CNTNAP2: variants seen among roughly 807,000 people sequenced by gnomAD.
CNTNAP2 encodes the protein contactin associated protein 2.
Under a neutral mutation model 155.2 loss-of-function variants are expected in CNTNAP2, and 98 were observed. The ratio of observed to expected loss-of-function variants is 0.63; its 90% CI spans 0.54 to 0.75. CNTNAP2 has a LOEUF of 0.75. Among genes scored for constraint, CNTNAP2 ranks in the 30% least tolerant of loss-of-function variants. The probability of loss-of-function intolerance (pLI) is 0.00; values close to 1 mark genes in which losing one functional copy is unlikely to be tolerated. For missense variants in CNTNAP2, 1,727 were observed against 1,688.1 expected, an observed-to-expected ratio of 1.02 and a Z score of -0.40; for synonymous variants, 651 against 631.2, an observed-to-expected ratio of 1.03 and a Z score of -0.47.
intron 1 of CNTNAP2, among the ~76,000 whole-genome samples, chr7:146,375,817 G>T (rs1795296571): frequency 6.6e-6 from 1 of 152,144 alleles, no homozygotes; most frequent in South Asian, 2.1e-4. Flanking sequence ...GTCTCCTGAT[G>T]AGAAATTCTT....
At chr7:146,637,293 T>G (rs769110849) in intron 1 of CNTNAP2, among the ~76,000 whole-genome samples, 40 of 152,176 alleles carry the variant, frequency 2.6e-4, no homozygotes, top group Non-Finnish European at 5.9e-4. Context: ...TCAATACATA[T>G]TACACATGAA....
chr7:147,576,694 C>G (rs1232321801), intron 12 of CNTNAP2, among the ~76,000 whole-genome samples: 1 of 152,090 alleles, frequency 6.6e-6, no homozygotes, highest in Admixed American at 6.6e-5. Flanking sequence ...CATAGGTGAA[C>G]ATCAGTAATT....
intron 11 of CNTNAP2, among the ~76,000 whole-genome samples, chr7:147,538,652 A>T (rs747360820): frequency 1.9e-4 from 29 of 151,988 alleles, no homozygotes; most frequent in African/African-American, 3.6e-4. Flanking sequence ...TATATATATA[A>T]AAAAAAATCC....
chr7:147,549,064 C>T (rs1215241763), intron 11 of CNTNAP2, among the ~76,000 whole-genome samples: 1 of 152,078 alleles, frequency 6.6e-6, no homozygotes, highest in Non-Finnish European at 1.5e-5. Context: ...GTTCTTTTTA[C>T]TTAGGATTGT....
At chr7:147,029,124 C>T (rs940126060) in intron 3 of CNTNAP2, among the ~76,000 whole-genome samples, 76 of 151,992 alleles carry the variant, frequency 5.0e-4, no homozygotes, top group Non-Finnish European at 8.7e-4. Context: ...CCACCACGCC[C>T]AGCTAATTTT....
At chr7:147,527,795 C>T (rs1474180721) in intron 11 of CNTNAP2, among the ~76,000 whole-genome samples, 1 of 152,124 alleles carries the variant, frequency 6.6e-6, no homozygotes, top group Non-Finnish European at 1.5e-5. Flanking sequence ...TGATTCTTCT[C>T]AAGTCAGATT....
At chr7:146,917,733 T>A (rs1796422968) in intron 3 of CNTNAP2, among the ~76,000 whole-genome samples, 1 of 152,166 alleles carries the variant, frequency 6.6e-6, no homozygotes, top group South Asian at 2.1e-4. Flanking sequence ...TCACAAGATC[T>A]GACGGTTTTA....
chr7:148,394,228 C>G (rs77362917), intron 22 of CNTNAP2, among the ~76,000 whole-genome samples: 502 of 152,220 alleles, frequency 3.3e-3, no homozygotes, highest in African/African-American at 0.011. Context: ...GTAAAAATCT[C>G]ACTTTATTTT....
intron 1 of CNTNAP2, among the ~76,000 whole-genome samples, chr7:146,288,430 G>A (rs1311380687): frequency 1.3e-5 from 2 of 152,056 alleles, no homozygotes; most frequent in Non-Finnish European, 2.9e-5. Context: ...TCAAGTCTTT[G>A]ATAGGTTCTT....
chr7:146,925,511 A>G (rs1001700995), intron 3 of CNTNAP2, among the ~76,000 whole-genome samples: 16 of 152,092 alleles, frequency 1.1e-4, no homozygotes, highest in African/African-American at 3.9e-4. Flanking sequence ...TAAATTGATC[A>G]TTTGTTAATT....
intron 12 of CNTNAP2, among the ~76,000 whole-genome samples, chr7:147,618,978 C>T (rs889711472): frequency 2.6e-5 from 4 of 152,044 alleles, no homozygotes; most frequent in African/African-American, 7.2e-5. Context: ...CTTGAGGGCC[C>T]GTTATTGCCA....
chr7:147,150,543 G>A (rs139237453), intron 8 of CNTNAP2, among the ~76,000 whole-genome samples: 5 of 152,280 alleles, frequency 3.3e-5, no homozygotes, highest in African/African-American at 1.2e-4. Flanking sequence ...ATTGTAAGTA[G>A]TCTAAGAATT....
At chr7:148,333,486 A>G (rs956079277) in intron 21 of CNTNAP2, among the ~76,000 whole-genome samples, 3 of 152,088 alleles carry the variant, frequency 2.0e-5, no homozygotes, top group Non-Finnish European at 2.9e-5. Context: ...GGAGGACTTT[A>G]TGGAACATTT....
intron 9 of CNTNAP2, among the ~76,000 whole-genome samples, chr7:147,314,653 A>G (rs528277722): frequency 6.6e-6 from 1 of 151,352 alleles, no homozygotes; most frequent in East Asian, 1.9e-4. Flanking sequence ...AATAAAAAAA[A>G]AAATCCTTTA....
intron 1 of CNTNAP2, among the ~76,000 whole-genome samples, chr7:146,533,589 T>C (rs1037400758): frequency 5.9e-5 from 9 of 152,164 alleles, no homozygotes; most frequent in African/African-American, 2.2e-4. Flanking sequence ...TGCTGGAACA[T>C]GATAAGATTT....
At chr7:148,217,185 C>G in intron 18 of CNTNAP2, 103 bp from the exon 19 acceptor site, 1 of 1,093,304 alleles carries the variant, frequency 9.1e-7, no homozygotes, top group Middle Eastern at 2.0e-4. Flanking sequence ...GATGCCCTTC[C>G]TGGAGCCAGT....
At chr7:146,411,842 A>ATTTTT (rs1168976551) in intron 1 of CNTNAP2, among the ~76,000 whole-genome samples, 8 of 121,938 alleles carry the variant, frequency 6.6e-5, no homozygotes, top group African/African-American at 2.9e-4. Context: ...TTATTTATTT[A>ATTTTT]TTTATTTTAT....
Position 146,601,695 on chromosome 7 carries a change from A to G in CNTNAP2, c.98-172576A>G, listed in dbSNP as rs146947509. On this transcript the variant is annotated intron_variant, in intron 1 of 23. Coordinates refer to ENST00000361727, the MANE Select transcript of CNTNAP2 (RefSeq NM_014141.6). The stretch of plus-strand genomic sequence containing the variant: ...AAAACAACATGGGAGAGCTAGCTCT[A>G]TAAGATATTAAAACATATAAAGTCT... 8.5e-3 allele frequency among the ~76,000 whole-genome samples: 1,291 copies of G among 152,240 alleles called. 8 individuals are homozygous for G. Among genetic ancestry groups the G allele is most frequent in the Non-Finnish European group, 0.013 (870 of 67,976 alleles).
intron 9 of CNTNAP2, among the ~76,000 whole-genome samples, chr7:147,358,327 T>C (rs2116890997): frequency 6.6e-6 from 1 of 152,256 alleles, no homozygotes; most frequent in African/African-American, 2.4e-5. Context: ...GCCCATCAAA[T>C]AGATATGTAC....
Sources: gnomAD v4.1 joint callset for allele counts (sites outside exome capture counted in the v4.1 genomes callset) on GRCh38, gnomAD v4.1.1 for gene constraint, MANE v1.5 for transcripts, NCBI Gene and HGNC (gene_info 2026-07-23, HGNC 2026-07-21) for gene names.